The following MAP2K1 variants were observed in gnomAD, a reference collection of about 807,000 sequenced individuals.
MAP2K1 encodes the protein dual specificity mitogen-activated protein kinase kinase 1.
A neutral mutation model predicts 46.3 loss-of-function variants in MAP2K1; 16 were observed. The observed-to-expected ratio is 0.35, with a 90% CI of 0.23 to 0.52. The LOEUF (loss-of-function observed/expected upper bound fraction) is 0.52. Ranked by LOEUF, MAP2K1 falls within the 20% of genes least tolerant of loss-of-function variation. The pLI, the probability that MAP2K1 is intolerant of heterozygous loss-of-function variation, is 0.94. For missense variants in MAP2K1, 263 were observed against 497.1 expected (o/e 0.53, Z 4.48); for synonymous variants, 183 against 185.6 (o/e 0.99, Z 0.11).
chr15:66,420,450 C>T (rs148139087), intron 1 of MAP2K1, among the ~76,000 whole-genome samples: 247 of 149,780 alleles, frequency 1.6e-3, no homozygotes, highest in Non-Finnish European at 2.2e-3. Flanking sequence ...CTACCCCAAA[C>T]GCTGAGGTGG....
At chr15:66,446,608 G>A in intron 5 of MAP2K1, 1 of 275,518 alleles carries the variant, frequency 3.6e-6, no homozygotes, top group Non-Finnish European at 8.0e-6. Flanking sequence ...ACCACCAGGA[G>A]TCACTGTGTT....
At chr15:66,449,754 G>C (rs762647581) in intron 5 of MAP2K1, among the ~76,000 whole-genome samples, 1 of 152,062 alleles carries the variant, frequency 6.6e-6, no homozygotes, top group African/African-American at 2.4e-5. Context: ...GGTGGTGGGC[G>C]CCTATAATCC....
intron 1 of MAP2K1, among the ~76,000 whole-genome samples, chr15:66,413,696 C>T (rs920786904): frequency 2.0e-5 from 3 of 151,830 alleles, no homozygotes; most frequent in African/African-American, 7.3e-5. Context: ...TTGGGGGATA[C>T]TTCCAGCTTA....
At chr15:66,403,667 T>C (rs908400715) in intron 1 of MAP2K1, among the ~76,000 whole-genome samples, 2 of 152,136 alleles carry the variant, frequency 1.3e-5, no homozygotes, top group African/African-American at 4.8e-5. Flanking sequence ...ATTTAGAAAT[T>C]TGGGGAGTTG....
chr15:66,469,595 CAG>C (rs755796419), intron 5 of MAP2K1, among the ~76,000 whole-genome samples: 32 of 136,020 alleles, frequency 2.4e-4, no homozygotes, highest in Non-Finnish European at 4.6e-4. Context: ...ATGAAGAAAA[CAG>C]AATTCTGTCA....
intron 8 of MAP2K1, among the ~76,000 whole-genome samples, chr15:66,488,280 C>A (rs1893117806): frequency 6.6e-6 from 1 of 152,224 alleles, no homozygotes; most frequent in African/African-American, 2.4e-5. Context: ...ATGGGGCTTG[C>A]TCTGGGTCAC....
At chr15:66,388,068 A>G (rs1252615055) in intron 1 of MAP2K1, among the ~76,000 whole-genome samples, 1 of 152,156 alleles carries the variant, frequency 6.6e-6, no homozygotes, top group African/African-American at 2.4e-5. Flanking sequence ...TCATTCATTG[A>G]ACAAACCATT....
At chr15:66,441,460 C>A (rs1055420398) in intron 3 of MAP2K1, among the ~76,000 whole-genome samples, 1 of 151,616 alleles carries the variant, frequency 6.6e-6, no homozygotes, top group Non-Finnish European at 1.5e-5. Flanking sequence ...TGCTTGAGCC[C>A]ATGAGTTCGA....
intron 6 of MAP2K1, among the ~76,000 whole-genome samples, chr15:66,483,466 G>T (rs1892961344): frequency 6.6e-6 from 1 of 152,208 alleles, no homozygotes; most frequent in African/African-American, 2.4e-5. Flanking sequence ...CTAATCAAGG[G>T]TTTAATGGTT....
At chr15:66,396,779 G>A (rs2093368628) in intron 1 of MAP2K1, among the ~76,000 whole-genome samples, 1 of 150,590 alleles carries the variant, frequency 6.6e-6, no homozygotes, top group African/African-American at 2.4e-5. Flanking sequence ...CTGCCTCCTG[G>A]GTTCAAGCGA....
chr15:66,448,482 C>G (rs1891939158), intron 5 of MAP2K1, among the ~76,000 whole-genome samples: 1 of 152,078 alleles, frequency 6.6e-6, no homozygotes, highest in South Asian at 2.1e-4. Flanking sequence ...GCAGCTTGTC[C>G]TAGTGGGATT....
At chr15:66,488,908 A>T (rs1323166734) in intron 8 of MAP2K1, 1 of 467,866 alleles carries the variant, frequency 2.1e-6, no homozygotes, top group African/African-American at 2.0e-5. Flanking sequence ...CATGTCATAG[A>T]AGAGTAAACT....
chr15:66,392,292 C>T lies in MAP2K1; in HGVS notation c.80+4865C>T, dbSNP rs1181665873. On this transcript the variant is annotated intron_variant, in intron 1 of 10. Coordinates refer to ENST00000307102, the MANE Select transcript of MAP2K1 (RefSeq NM_002755.4). ...TTTTTTTTTTTTTAAGAAAGGGTTT[C>T]GCTCCCACTGCCCAGGCTGGAGTAT... Among the ~76,000 whole-genome samples, 13 of 85,368 alleles carry T rather than the reference C, an allele frequency of 1.5e-4. No individual in the cohort carries two copies. The East Asian group carries it at 2.4e-3, about 16-fold the overall frequency. The allele number at this position is 85,368 out of a possible 152,430, so 56.0% of individuals were successfully genotyped here. A position where few individuals can be genotyped will look rare whatever the true frequency, so the allele number is the denominator to read the frequency against.
chr15:66,392,488 A>G (rs1331180642), intron 1 of MAP2K1, among the ~76,000 whole-genome samples: 4 of 149,592 alleles, frequency 2.7e-5, no homozygotes, highest in Middle Eastern at 3.3e-3. Context: ...CACCAGGAGT[A>G]TTTGAACAGA....
At chr15:66,459,097 G>A (rs1428582601) in intron 5 of MAP2K1, among the ~76,000 whole-genome samples, 1 of 148,776 alleles carries the variant, frequency 6.7e-6, no homozygotes, top group Non-Finnish European at 1.5e-5. Flanking sequence ...GGCGGATCAT[G>A]AGGTCAGGAG....
At chr15:66,487,376 C>G (rs899668987) in intron 8 of MAP2K1, 84 bp downstream of exon 8, 1 of 1,271,484 alleles carries the variant, frequency 7.9e-7, no homozygotes, top group Non-Finnish European at 1.2e-6. Flanking sequence ...CAGTGGTTCA[C>G]GCCTGTAATC....
intron 1 of MAP2K1, among the ~76,000 whole-genome samples, chr15:66,395,871 C>A (rs1362144219): frequency 6.6e-6 from 1 of 152,006 alleles, no homozygotes; most frequent in Non-Finnish European, 1.5e-5. Flanking sequence ...GGCCCTCTTG[C>A]ATGTTTTTAT....
chr15:66,421,771 C>G (rs1436687585), intron 1 of MAP2K1, among the ~76,000 whole-genome samples: 2 of 149,794 alleles, frequency 1.3e-5, no homozygotes, highest in Non-Finnish European at 3.0e-5. Context: ...TGCACTTCAG[C>G]TTGGGTGACA....
At chr15:66,480,386 C>G (rs1325414083) in intron 5 of MAP2K1, among the ~76,000 whole-genome samples, 6 of 152,062 alleles carry the variant, frequency 3.9e-5, no homozygotes, top group Non-Finnish European at 8.8e-5. Context: ...CATCGCCCGG[C>G]TTTTGTTTTT....
Sources: gnomAD v4.1 joint callset for allele counts (sites outside exome capture counted in the v4.1 genomes callset) on GRCh38, gnomAD v4.1.1 for gene constraint, MANE v1.5 for transcripts, NCBI Gene and HGNC (gene_info 2026-07-23, HGNC 2026-07-21) for gene names.